The following CASP5 variants were observed in gnomAD, a reference collection of about 807,000 sequenced individuals.
CASP5 encodes caspase 5, also known as caspase-5.
CASP5 carries 42 observed loss-of-function variants against 45.2 expected under a neutral mutation model. The ratio of observed to expected loss-of-function variants is 0.93; its 90% confidence interval spans 0.73 to 1.20. The LOEUF (loss-of-function observed/expected upper bound fraction) is 1.20, where lower values mean the gene tolerates loss of function less well. Among genes scored for constraint, CASP5 ranks in the 50% most tolerant of loss-of-function variants. The pLI, the probability that CASP5 is intolerant of heterozygous loss-of-function variation, is 0.00. For missense variants in CASP5, 512 were observed against 532.2 expected (o/e 0.96, Z 0.37); for synonymous variants, 209 against 186.2 (o/e 1.12, Z -1.00).
intron 2 of CASP5, 23 bp downstream of exon 2, chr11:105,008,784 C>T (rs967155921): frequency 1.1e-5 from 17 of 1,538,724 alleles, no homozygotes; most frequent in Non-Finnish European, 1.5e-5. Flanking sequence ...TGGAAATATC[C>T]ATTGTAAAAT....
intron 5 of CASP5, among the ~76,000 whole-genome samples, chr11:105,001,496 C>G (rs1480492465): frequency 6.6e-6 from 1 of 152,166 alleles, no homozygotes; most frequent in Non-Finnish European, 1.5e-5. Flanking sequence ...GAAACCTCAT[C>G]TCTGTTAAAA....
chr11:105,009,561 A>G (rs1392612064), intron 1 of CASP5, among the ~76,000 whole-genome samples: 1 of 151,250 alleles, frequency 6.6e-6, no homozygotes, highest in Non-Finnish European at 1.5e-5. Context: ...TTAAGTGGAT[A>G]AATGCATCTA....
At chr11:105,007,861 A>C (rs1044274765) in intron 2 of CASP5, among the ~76,000 whole-genome samples, 4 of 152,144 alleles carry the variant, frequency 2.6e-5, no homozygotes, top group Non-Finnish European at 5.9e-5. Context: ...CAAAATGCTT[A>C]AAAGTACTTA....
At position 105,021,362 on chromosome 11, in the gene CASP5, G is replaced by A. The variant is rs71484386; in HGVS notation, c.7+1768C>T. Among the ~76,000 whole-genome samples the A allele has an allele frequency of 9.2e-3, 1,159 of 126,022 alleles. 5 individuals are homozygous for A. Among genetic ancestry groups the A allele is most frequent in the Middle Eastern group, 0.02 (5 of 248 alleles). 82.7% of individuals were successfully genotyped at this position (126,022 alleles called of 152,430 possible). ...CACAGCAAAAGAAACTACCGTCAGA[G>A]TGAACAGGCAACCTACAAAATGGGA... On this transcript the variant is annotated intron_variant, in intron 1 of 9. Coordinates refer to ENST00000260315, the MANE Select transcript of CASP5 (RefSeq NM_004347.5).
chr11:105,011,820 C>T (rs1206624940), intron 1 of CASP5, among the ~76,000 whole-genome samples: 6 of 151,582 alleles, frequency 4.0e-5, no homozygotes, highest in East Asian at 1.9e-4. Context: ...AAAGATATCC[C>T]GTGTTCATGA....
At chr11:104,997,275 T>A in intron 8 of CASP5, 108 bp downstream of exon 8, 1 of 772,456 alleles carries the variant, frequency 1.3e-6, no homozygotes, top group African/African-American at 1.7e-5. Flanking sequence ...GGTGCCATAC[T>A]ACTTTTGCTT....
chr11:105,017,428 TA>T (rs1187351102), intron 1 of CASP5, among the ~76,000 whole-genome samples: 3 of 151,970 alleles, frequency 2.0e-5, no homozygotes, highest in African/African-American at 7.3e-5. Context: ...GAAGAATGTA[TA>T]ACTAGAATAA....
intron 2 of CASP5, among the ~76,000 whole-genome samples, chr11:105,007,774 A>G (rs1330949033): frequency 6.6e-6 from 1 of 152,104 alleles, no homozygotes; most frequent in Non-Finnish European, 1.5e-5. Context: ...CCTTGGGGAA[A>G]GCACTATATC....
At chr11:105,019,844 A>G (rs1489958624) in intron 1 of CASP5, among the ~76,000 whole-genome samples, 3 of 145,130 alleles carry the variant, frequency 2.1e-5, no homozygotes, top group Non-Finnish European at 3.0e-5. Context: ...CCGGGCAGAG[A>G]CACAACCAAA....
At position 105,002,171 on chromosome 11, in the gene CASP5, T is replaced by A; in HGVS notation, c.574A>T (p.Arg192Ter). 1 of 1,614,118 alleles carries A rather than the reference T, an allele frequency of 6.2e-7. No homozygotes were observed. The highest frequency in any genetic ancestry group is 8.5e-7 in the Non-Finnish European group (1 of 1,179,978). The stretch of plus-strand genomic sequence containing the variant: ...TTGCATATGATGAGAGCCAGGCGTC[T>A]GCGGTCCTCTCTCTTTTTTATTGGA... The part of the protein sequence containing the change: ...IYPIKKREDR[R>*]RLALIICNTK... The change falls in exon 5 of 10, where the codon AGA (arginine) becomes TGA (stop). Residue 192 changes from arginine (R) to a stop codon, truncating the protein, a stop_gained. Coordinates refer to ENST00000260315, the MANE Select transcript of CASP5 (RefSeq NM_004347.5). LOFTEE classifies it high-confidence loss of function.
chr11:105,007,056 T>G, intron 3 of CASP5, 27 bp downstream of exon 3: 1 of 1,589,350 alleles, frequency 6.3e-7, no homozygotes. Context: ...AAATTTAACA[T>G]ATTTATCGTG....
chr11:105,008,955 A>G lies in CASP5; in HGVS notation c.33T>C (p.Arg11=). 1 of 1,601,510 alleles carries G rather than the reference A, an allele frequency of 6.2e-7. No homozygotes were observed. ...CTTTGAACATAGCTTCAAAATTCTT[A>G]CGCCTTTTTTTTTTGCCACTGTCTT... MAEDSGKKKR[R]KNFEAMFKGI... Residue 11 remains arginine (R), a synonymous_variant, in exon 2 of 10, where the codon CGT becomes CGC. Transcript: ENST00000260315.
chr11:105,017,205 G>GA (rs1284955686), intron 1 of CASP5, among the ~76,000 whole-genome samples: 6 of 152,100 alleles, frequency 3.9e-5, no homozygotes, highest in African/African-American at 1.4e-4. Flanking sequence ...CAAAGATGGG[G>GA]AAAAAACAGA....
intron 5 of CASP5, among the ~76,000 whole-genome samples, chr11:105,001,636 G>A (rs1349473583): frequency 6.6e-6 from 1 of 152,274 alleles, no homozygotes; most frequent in East Asian, 1.9e-4. Flanking sequence ...CAGCCTGGGC[G>A]ACAGAGTGAG....
intron 2 of CASP5, among the ~76,000 whole-genome samples, chr11:105,008,463 G>A (rs1862113117): frequency 6.6e-6 from 1 of 152,034 alleles, no homozygotes; most frequent in African/African-American, 2.4e-5. Flanking sequence ...TGGTAAGACT[G>A]ATGATTAGGG....
intron 1 of CASP5, among the ~76,000 whole-genome samples, chr11:105,009,758 T>TATATATATATACACAC (rs1555079440): frequency 2.5e-4 from 23 of 90,272 alleles, no homozygotes; most frequent in African/African-American, 9.1e-4. Flanking sequence ...TATATATATA[T>TATATATATATACACAC]ACACACACAC....
rs1483492088 is a variant in CASP5 at position 105,007,114 on chromosome 11, G to T, written c.402C>A (p.Leu134=). The T allele has an allele frequency of 3.7e-6, 6 of 1,613,434 alleles. No individual in the cohort carries two copies. The highest frequency in any genetic ancestry group is 5.1e-6 in the Non-Finnish European group (6 of 1,179,586). ...VAHQMFTQTL[L]NMDQKITSVK... ...CACTGGTGATCTTTTGGTCCATATT[G>T]AGAAGTGTTTGGGTAAACATTTGAT... Residue 134 remains leucine (L), a synonymous_variant, in exon 3 of 10, where the codon CTC becomes CTA. Transcript: ENST00000260315.
chr11:105,020,274 C>A (rs1198578608), intron 1 of CASP5, among the ~76,000 whole-genome samples: 1 of 151,560 alleles, frequency 6.6e-6, no homozygotes, highest in African/African-American at 2.4e-5. Flanking sequence ...TCTCACCACT[C>A]CTATTCAACA....
intron 4 of CASP5, among the ~76,000 whole-genome samples, chr11:105,002,925 C>A (rs941999423): frequency 1.6e-4 from 25 of 152,152 alleles, no homozygotes; most frequent in African/African-American, 5.8e-4. Context: ...ATGGCTGGCA[C>A]TGTGGTTCCC....
Sources: gnomAD v4.1 joint callset for allele counts (sites outside exome capture counted in the v4.1 genomes callset) on GRCh38, gnomAD v4.1.1 for gene constraint, MANE v1.5 for transcripts, NCBI Gene and HGNC (gene_info 2026-07-23, HGNC 2026-07-21) for gene names.